The following STAMBP variants were observed in gnomAD, a reference collection of about 807,000 sequenced individuals.
The protein encoded by STAMBP is STAM binding protein, also known as STAM-binding protein.
In STAMBP, 31 loss-of-function variants were observed where a neutral mutation model predicts 50.7. The ratio of observed to expected loss-of-function variants is 0.61; its 90% CI spans 0.46 to 0.83. The LOEUF (loss-of-function observed/expected upper bound fraction) is 0.83, where lower values mean the gene tolerates loss of function less well. Among genes scored for constraint, STAMBP ranks in the 40% least tolerant of loss-of-function variants. The probability of loss-of-function intolerance (pLI) is 0.00; values close to 1 mark genes in which losing one functional copy is unlikely to be tolerated. For missense variants in STAMBP, 472 were observed against 518.9 expected (o/e 0.91, Z 0.88); for synonymous variants, 211 against 192.4 (o/e 1.10, Z -0.80).
downstream of STAMBP, among the ~76,000 whole-genome samples, chr2:73,869,582 G>T (rs968606885): frequency 2.6e-5 from 4 of 152,030 alleles, no homozygotes; most frequent in African/African-American, 9.7e-5. Context: ...AAGAATTTTG[G>T]GGGAAATTTA....
At chr2:73,868,414 G>A (rs17009417), downstream of STAMBP, among the ~76,000 whole-genome samples, 13,285 of 151,932 alleles carry the variant, frequency 0.087, 1,006 homozygotes, top group East Asian at 0.3. Flanking sequence ...GCCCTGAGGC[G>A]TTTGGTGATT....
intron 8 of STAMBP, 25 bp downstream of exon 8, chr2:73,859,391 G>C (rs1189277627): frequency 6.3e-7 from 1 of 1,577,446 alleles, no homozygotes; most frequent in South Asian, 1.1e-5. Flanking sequence ...CATGGTTCTG[G>C]GTGTTTCAAG....
At chr2:73,873,467 A>G (rs1183519377) in exon 11 of STAMBP, 2 of 152,218 alleles carry the variant, frequency 1.3e-5, no homozygotes, top group Admixed American at 1.3e-4. Context: ...AATTTAGGGA[A>G]TTGAACTTCA....
At chr2:73,853,044 A>T (rs1004422172) in intron 7 of STAMBP, among the ~76,000 whole-genome samples, 7 of 151,880 alleles carry the variant, frequency 4.6e-5, no homozygotes, top group Non-Finnish European at 7.4e-5. Context: ...GGCATGAGCC[A>T]CCGCACCCGG....
chr2:73,836,062 T>A (rs1010739512), intron 2 of STAMBP, among the ~76,000 whole-genome samples: 3 of 152,216 alleles, frequency 2.0e-5, no homozygotes, highest in Non-Finnish European at 4.4e-5. Context: ...GTGCGCTGTT[T>A]TTCTAAAAAT....
At chr2:73,841,056 A>G (rs1031328348) in intron 2 of STAMBP, among the ~76,000 whole-genome samples, 39 of 152,118 alleles carry the variant, frequency 2.6e-4, no homozygotes, top group Non-Finnish European at 5.4e-4. Context: ...ATTATTGCAT[A>G]TATTCATCTT....
chr2:73,867,895 C>T (rs1391050979), downstream of STAMBP, among the ~76,000 whole-genome samples: 3 of 152,016 alleles, frequency 2.0e-5, no homozygotes, highest in Non-Finnish European at 4.4e-5. Context: ...GAGGCCGAGG[C>T]GGGTGGATCA....
intron 5 of STAMBP, 123 bp from the exon 6 acceptor site, chr2:73,849,240 C>A: frequency 1.4e-6 from 2 of 1,429,220 alleles, no homozygotes; most frequent in South Asian, 2.4e-5. Flanking sequence ...GATCCCTACT[C>A]ACTGCCTGAA....
In STAMBP at chr2:73,847,544, G is replaced by C. The variant is rs766533447; in HGVS notation, c.533G>C (p.Arg178Pro). Reference protein sequence around the residue: ...MIRNQELEKERLKIVQEFGKV... With the variant: ...MIRNQELEKEPLKIVQEFGKV... ...CGGAACCAGGAGCTAGAAAAAGAGC[G>C]ACTGAAAATTGTACAGGAGTTTGGG... is the stretch of plus-strand genomic sequence containing the variant. Residue 178 changes from arginine to proline, a missense_variant, in exon 5 of 10, where the codon CGA (arginine) becomes CCA (proline). Transcript: ENST00000394070. 1.1e-5 allele frequency: 17 copies of C among 1,614,164 alleles called. No individual in the cohort carries two copies. Among genetic ancestry groups the C allele is most frequent in the Non-Finnish European group, 1.4e-5 (17 of 1,180,036 alleles).
chr2:73,834,287 A>ATATAT (rs1674451416), intron 2 of STAMBP, among the ~76,000 whole-genome samples: 3 of 99,248 alleles, frequency 3.0e-5, no homozygotes, highest in African/African-American at 8.0e-5. Flanking sequence ...ATATATATAT[A>ATATAT]AAGTTTTTGA....
At chr2:73,857,354 G>A (rs1321001109) in intron 7 of STAMBP, among the ~76,000 whole-genome samples, 14 of 152,128 alleles carry the variant, frequency 9.2e-5, no homozygotes, top group Admixed American at 9.2e-4. Context: ...TCCCCGTTTT[G>A]AGTAGTACAG....
Position 73,859,381 on chromosome 2 carries a change from C to T in STAMBP, c.1118+15C>T. The T allele has an allele frequency of 3.1e-6, 5 of 1,603,468 alleles. No homozygotes were observed. The highest frequency in any genetic ancestry group is 4.3e-6 in the Non-Finnish European group (5 of 1,170,396). On this transcript the variant is annotated intron_variant, in intron 8 of 9. Transcript: ENST00000394070. The stretch of plus-strand genomic sequence containing the variant: ...AAGTTCCAGGAGTGAGTATAGAGGG[C>T]ATGGTTCTGGGTGTTTCAAGGGGGT...
chr2:73,855,094 A>C lies in STAMBP; in HGVS notation c.1006-4160A>C, dbSNP rs539717192. Among the ~76,000 whole-genome samples, 58 of 152,360 alleles carry C rather than the reference A, an allele frequency of 3.8e-4. 2 individuals are homozygous for C. In the East Asian group the frequency reaches 9.6e-3, roughly 25 times the overall value. On this transcript the variant is annotated intron_variant, in intron 7 of 9. Coordinates refer to ENST00000394070, the MANE Select transcript of STAMBP (RefSeq NM_213622.4). ...CAGTTCTTCCTTCTTAACCTTGTCAACTATGAATCAGCTGCCCAGGTCAAA... is the reference window on the plus strand; with the variant it reads ...CAGTTCTTCCTTCTTAACCTTGTCACCTATGAATCAGCTGCCCAGGTCAAA...
chr2:73,871,818 A>G (rs1331208017), downstream of STAMBP, among the ~76,000 whole-genome samples: 1 of 152,112 alleles, frequency 6.6e-6, no homozygotes, highest in Non-Finnish European at 1.5e-5. Flanking sequence ...CCCAGGCTGG[A>G]GTGCAGTGGC....
chr2:73,844,192 G>C (rs1017165911), intron 2 of STAMBP, among the ~76,000 whole-genome samples: 1 of 152,190 alleles, frequency 6.6e-6, no homozygotes, highest in Non-Finnish European at 1.5e-5. Context: ...ATGAAATCTA[G>C]CATCTTATAT....
intron 7 of STAMBP, among the ~76,000 whole-genome samples, chr2:73,857,178 G>A (rs1677654809): frequency 6.6e-6 from 1 of 152,152 alleles, no homozygotes; most frequent in South Asian, 2.1e-4. Flanking sequence ...GCCCCAGATG[G>A]AAGGTTTGAG....
rs1417305346 is a variant in STAMBP, at chr2:73,866,699, C to A, written c.*4440C>A. Reference sequence around the variant, plus strand: ...CGCCAGGAGGGATGGTTGTCCTGGCCAACAGCGAATTTAATGGGTGGTCAA... The same window carrying A: ...CGCCAGGAGGGATGGTTGTCCTGGCAAACAGCGAATTTAATGGGTGGTCAA... On this transcript the variant is annotated 3_prime_UTR_variant, in exon 10 of 10. Coordinates refer to ENST00000394070, the MANE Select transcript of STAMBP (RefSeq NM_213622.4). 2 of 152,130 alleles carry A rather than the reference C, an allele frequency of 1.3e-5. No homozygotes were observed. The highest frequency in any genetic ancestry group is 2.4e-5 in the African/African-American group (1 of 41,390). The allele number at this position is 152,130 out of a possible 1,614,324, so 9.4% of individuals were successfully genotyped here.
At chr2:73,854,843 T>A (rs985513529) in intron 7 of STAMBP, among the ~76,000 whole-genome samples, 1 of 151,816 alleles carries the variant, frequency 6.6e-6, no homozygotes, top group African/African-American at 2.4e-5. Flanking sequence ...AAAAAAATTA[T>A]GCATTTGTGG....
intron 7 of STAMBP, among the ~76,000 whole-genome samples, chr2:73,855,066 G>A (rs1299651198): frequency 6.6e-6 from 1 of 152,202 alleles, no homozygotes; most frequent in Non-Finnish European, 1.5e-5. Context: ...AAATGCAAAA[G>A]ATCAGTTCTT....
Sources: gnomAD v4.1 joint callset for allele counts (sites outside exome capture counted in the v4.1 genomes callset) on GRCh38, gnomAD v4.1.1 for gene constraint, MANE v1.5 for transcripts, NCBI Gene and HGNC (gene_info 2026-07-23, HGNC 2026-07-21) for gene names.